Variants in ATAD3C observed in about 807,000 individuals in gnomAD.
ATAD3C encodes the protein ATPase family AAA domain containing 3C.
ATAD3C carries 38 observed loss-of-function variants against 46.3 expected under a neutral mutation model. The observed-to-expected ratio is 0.82, with a 90% confidence interval of 0.63 to 1.08. The LOEUF is 1.08. Ranked by LOEUF, ATAD3C falls within the 50% of genes least tolerant of loss-of-function variation. The probability of loss-of-function intolerance (pLI) is 0.00; values close to 1 mark genes in which losing one functional copy is unlikely to be tolerated. For missense variants in ATAD3C, 563 were observed against 572.7 expected (o/e 0.98, Z 0.17); for synonymous variants, 220 against 236.4 (o/e 0.93, Z 0.63).
chr1:1,460,757 C>A lies in ATAD3C; in HGVS notation c.820C>A (p.Leu274Met). 6.2e-7 allele frequency: 1 copy of A among 1,606,098 alleles called. No homozygotes were observed. Among genetic ancestry groups the A allele is most frequent in the Non-Finnish European group, 8.5e-7 (1 of 1,175,986 alleles). ...RTGQHSNKFM[L>M]ILASCHPEQF... ...CCCATCCCCGCCCCGCAGATTCATG[C>A]TGATCCTGGCCAGCTGCCACCCCGA... Residue 274 changes from leucine to methionine, a missense_variant, in exon 10 of 12, where the codon CTG becomes ATG. This residue lies in a region of ATAD3C where 273 missense variants were observed against 253.5 expected (regional missense o/e 1.08). Transcript: ENST00000378785.
At chr1:1,456,945 G>T (rs137900170) in intron 7 of ATAD3C, among the ~76,000 whole-genome samples, 184 bp from the exon 8 acceptor site, 3 of 152,038 alleles carry the variant, frequency 2.0e-5, no homozygotes, top group African/African-American at 7.2e-5. Context: ...GGTGAAGCCT[G>T]CGGGGCAGAG....
At position 1,460,898 on chromosome 1, in the gene ATAD3C, C is replaced by T; in HGVS notation, c.961C>T (p.Pro321Ser). The T allele has an allele frequency of 1.2e-6, 2 of 1,610,014 alleles. No individual in the cohort carries two copies. The highest frequency in any genetic ancestry group is 2.2e-5 in the South Asian group (2 of 90,442). The change falls in exon 10 of 12, where the codon CCG (proline) becomes TCG (serine). Residue 321 changes from proline (P) to serine (S), a missense_variant. By Grantham distance (74) the Pro-to-Ser change is moderately conservative (BLOSUM62 -1). Coordinates refer to ENST00000378785, the MANE Select transcript of ATAD3C (RefSeq NM_001039211.3). Reference sequence around the variant, plus strand: ...GTATCTTAACGAGTATGTTCTTAAGCCGGCCACAGAAGGAAAGCGGTAAGT... The same window carrying T: ...GTATCTTAACGAGTATGTTCTTAAGTCGGCCACAGAAGGAAAGCGGTAAGT... Reference protein sequence around the residue: ...RMYLNEYVLKPATEGKRRLKL... With the variant: ...RMYLNEYVLKSATEGKRRLKL...
Position 1,460,731 on chromosome 1 carries a change from C to T in ATAD3C, c.813-19C>T. On this transcript the variant is annotated intron_variant, in intron 9 of 11. Transcript: ENST00000378785. ...CGGCCGGCAGCCCCAGCGTTTCCTTCCCCATCCCCGCCCCGCAGATTCATG... is the reference window on the plus strand; with the variant it reads ...CGGCCGGCAGCCCCAGCGTTTCCTTTCCCATCCCCGCCCCGCAGATTCATG... 2 of 1,588,640 alleles carry T rather than the reference C, an allele frequency of 1.3e-6. No individual in the cohort carries two copies. The highest frequency in any genetic ancestry group is 1.2e-5 in the South Asian group (1 of 86,674).
intron 1 of ATAD3C, among the ~76,000 whole-genome samples, chr1:1,451,484 T>C: frequency 6.6e-6 from 1 of 151,922 alleles, no homozygotes; most frequent in East Asian, 1.9e-4. Context: ...GTCGCTGGGA[T>C]TACAGGCACC....
intron 4 of ATAD3C, 71 bp from the exon 5 acceptor site, chr1:1,455,389 C>T: frequency 6.3e-7 from 1 of 1,580,498 alleles, no homozygotes. Flanking sequence ...TGTTACCGAG[C>T]TTGTGTGTGC....
chr1:1,460,359 G>A (rs927984458), intron 9 of ATAD3C, among the ~76,000 whole-genome samples: 3 of 152,034 alleles, frequency 2.0e-5, no homozygotes, highest in South Asian at 2.1e-4. Flanking sequence ...GGGATTATAG[G>A]CGTGAGCCAC....
intron 5 of ATAD3C, 72 bp downstream of exon 5, chr1:1,455,591 G>C: frequency 6.2e-7 from 1 of 1,605,362 alleles, no homozygotes; most frequent in Non-Finnish European, 8.5e-7. Context: ...TGTGGCCCTT[G>C]CTGGCGCTCC....
chr1:1,468,500 T>C lies in ATAD3C; in HGVS notation c.1206T>C (p.Pro402=). 1 of 1,610,108 alleles carries C rather than the reference T, an allele frequency of 6.2e-7. No individual in the cohort carries two copies. The highest frequency in any genetic ancestry group is 1.1e-5 in the South Asian group (1 of 90,678). Reference sequence around the variant, plus strand: ...TGCGCTGGCTGAAGGGGGAGAGGCCTGGGCCCGAGGACGAGCAACCCTCAT... The same window carrying C: ...TGCGCTGGCTGAAGGGGGAGAGGCCCGGGCCCGAGGACGAGCAACCCTCAT... ...QMMRWLKGER[P]GPEDEQPSS The change falls in exon 12 of 12, where the codon CCT becomes CCC. Residue 402 remains proline, a synonymous_variant. Coordinates refer to ENST00000378785, the MANE Select transcript of ATAD3C (RefSeq NM_001039211.3).
Position 1,468,766 on chromosome 1 carries a change from G to A in ATAD3C, c.*236G>A. The A allele has an allele frequency of 2.6e-6, 2 of 764,650 alleles. No homozygotes were observed. The highest frequency in any genetic ancestry group is 3.9e-5 in the South Asian group (2 of 51,208). 47.4% of individuals were successfully genotyped at this position (764,650 alleles called of 1,614,324 possible). On this transcript the variant is annotated 3_prime_UTR_variant, in exon 12 of 12. Coordinates refer to ENST00000378785, the MANE Select transcript of ATAD3C (RefSeq NM_001039211.3). ...CTGGAGGATTTAACCACAGAGGGGT[G>A]GGCTTCACAGGAGGTGGCTGCCACG...
chr1:1,450,902 T>G, intron 1 of ATAD3C, 144 bp downstream of exon 1: 1 of 1,361,978 alleles, frequency 7.3e-7, no homozygotes, highest in Non-Finnish European at 1.0e-6. Context: ...GGCGCCTCAT[T>G]TCACAGAAGG....
At chr1:1,457,615 C>CAACAAAAA (rs1553198842) in intron 8 of ATAD3C, among the ~76,000 whole-genome samples, 17 of 109,116 alleles carry the variant, frequency 1.6e-4, no homozygotes, top group African/African-American at 7.4e-4. Context: ...AAAAAAAAAA[C>CAACAAAAA]AAAAAAAACA....
At chr1:1,455,106 A>AGCAGCACATTATGTGTGACAG (rs1638931225) in intron 4 of ATAD3C, among the ~76,000 whole-genome samples, 1 of 150,278 alleles carries the variant, frequency 6.7e-6, no homozygotes, top group East Asian at 2.0e-4. Context: ...AGTCCCAGCT[A>AGCAGCACATTATGTGTGACAG]CTCGGGAGGC....
chr1:1,468,456 C>T lies in ATAD3C; in HGVS notation c.1162C>T (p.Gln388Ter), dbSNP rs2100494221. 2 of 1,612,864 alleles carry T rather than the reference C, an allele frequency of 1.2e-6. No individual in the cohort carries two copies. The highest frequency in any genetic ancestry group is 1.7e-6 in the Non-Finnish European group (2 of 1,179,426). ...GGACGCCTGCGTGCAAGACTTTGTC[C>T]AGCAGCACCAGCAGATGATGCGCTG... Reference protein sequence around the residue: ...MMDACVQDFVQQHQQMMRWLK... With the variant: ...MMDACVQDFV Residue 388 changes from glutamine to a stop codon, truncating the protein, a stop_gained, in exon 12 of 12, where the codon CAG (glutamine) becomes TAG (stop). Coordinates refer to ENST00000378785, the MANE Select transcript of ATAD3C (RefSeq NM_001039211.3). LOFTEE classifies it low-confidence loss of function (END_TRUNC).
At position 1,451,913 on chromosome 1, in the gene ATAD3C, C is replaced by T. The variant is rs1781142; in HGVS notation, c.76-133C>T. Reference sequence around the variant, plus strand: ...TGTCACCCGTGTCTGTGTCAGGGTGCGGCGTCTGCAGGTCCCCAGGTGCCC... The same window carrying T: ...TGTCACCCGTGTCTGTGTCAGGGTGTGGCGTCTGCAGGTCCCCAGGTGCCC... On this transcript the variant is annotated intron_variant, in intron 1 of 11. Transcript: ENST00000378785. 5,387 of 1,407,844 alleles carry T rather than the reference C, an allele frequency of 3.8e-3. 142 individuals carry two copies. The African/African-American group carries it at 0.061, about 16-fold the overall frequency. 87.2% of individuals were successfully genotyped at this position (1,407,844 alleles called of 1,614,324 possible). A position where few individuals can be genotyped will look rare whatever the true frequency, so the allele number is the denominator to read the frequency against.
Position 1,450,549 on chromosome 1 carries a change from G to A in ATAD3C, c.-135G>A, listed in dbSNP as rs1638836651. On this transcript the variant is annotated 5_prime_UTR_variant, in exon 1 of 12. Transcript: ENST00000378785. The stretch of plus-strand genomic sequence containing the variant: ...CCAGGTCTGACTAGGAAGGAGGATG[G>A]GGAGGCAGGGCTGGGGGCTTTGAGG... 8.9e-7 allele frequency: 1 copy of A among 1,120,922 alleles called. No individual in the cohort carries two copies. The allele number at this position is 1,120,922 out of a possible 1,614,324, so 69.4% of individuals were successfully genotyped here.
At chr1:1,467,831 C>T (rs1639169067) in intron 11 of ATAD3C, among the ~76,000 whole-genome samples, 1 of 152,068 alleles carries the variant, frequency 6.6e-6, no homozygotes, top group Non-Finnish European at 1.5e-5. Context: ...CTGAGGCTGC[C>T]TGAAGCCACA....
At chr1:1,452,255 C>G in intron 2 of ATAD3C, 110 bp from the exon 3 acceptor site, 2 of 1,587,426 alleles carry the variant, frequency 1.3e-6, no homozygotes, top group Non-Finnish European at 1.7e-6. Context: ...CACTGCCCCC[C>G]TGTCCTGGCA....
Position 1,468,672 on chromosome 1 carries a change from GC to G in ATAD3C, c.*143del, listed in dbSNP as rs1639186758. On this transcript the variant is annotated 3_prime_UTR_variant, in exon 12 of 12. Transcript: ENST00000378785. ...CGCTGTGTCTATTGGCTGACACGGG[GC>G]GGGGTTTGGGGCCCCCTAACGTCCC... 1.3e-5 allele frequency: 20 copies of G among 1,521,972 alleles called. No homozygotes were observed. The East Asian group carries it at 4.7e-4, about 36-fold the overall frequency. The allele number at this position is 1,521,972 out of a possible 1,614,324, so 94.3% of individuals were successfully genotyped here.
Position 1,460,800 on chromosome 1 carries a change from T to C in ATAD3C, c.863T>C (p.Ile288Thr), listed in dbSNP as rs1282889575. Residue 288 changes from isoleucine to threonine, a missense_variant, in exon 10 of 12, where the codon ATC becomes ACC. Transcript: ENST00000378785. ...SCHPEQFDWA[I>T]NACIDVMVHF... ...CACCCCGAGCAGTTCGACTGGGCCA[T>C]CAATGCCTGCATCGACGTGATGGTC... 7.4e-6 allele frequency: 12 copies of C among 1,612,588 alleles called. No individual in the cohort carries two copies. The highest frequency in any genetic ancestry group is 1.0e-5 in the Non-Finnish European group (12 of 1,179,324).
Sources: allele counts gnomAD v4.1 joint callset (sites outside exome capture counted in the v4.1 genomes callset), GRCh38; gene constraint gnomAD v4.1.1; regional missense constraint gnomAD v4.1.1; transcripts MANE v1.5; gene names NCBI Gene and HGNC (gene_info 2026-07-23, HGNC 2026-07-21).